The following ITFG1 variants were observed in gnomAD, a reference collection of about 807,000 sequenced individuals.
The protein encoded by ITFG1 is integrin alpha FG-GAP repeat containing 1.
A neutral mutation model predicts 81.8 loss-of-function variants in ITFG1; 34 were observed. That is an observed-to-expected ratio of 0.42 (90% CI 0.32 to 0.55). The LOEUF is 0.55. Among genes scored for constraint, ITFG1 ranks in the 20% least tolerant of loss-of-function variants. The probability of loss-of-function intolerance (pLI) is 0.17; values close to 1 mark genes in which losing one functional copy is unlikely to be tolerated. For missense variants in ITFG1, 672 were observed against 755.4 expected (o/e 0.89, Z 1.29); for synonymous variants, 285 against 270.6 (o/e 1.05, Z -0.52).
intron 6 of ITFG1, among the ~76,000 whole-genome samples, chr16:47,391,041 T>G (rs570182345): frequency 8.8e-4 from 134 of 152,094 alleles, no homozygotes; most frequent in African/African-American, 3.0e-3. Flanking sequence ...GTAGAGAATC[T>G]TAGTAGCTGG....
chr16:47,275,516 T>C (rs1966388599), intron 10 of ITFG1, among the ~76,000 whole-genome samples: 1 of 152,108 alleles, frequency 6.6e-6, no homozygotes, highest in Non-Finnish European at 1.5e-5. Flanking sequence ...CCACACAGAT[T>C]TAACGTTCTG....
intron 8 of ITFG1, among the ~76,000 whole-genome samples, chr16:47,339,045 ACATG>A (rs1967747082): frequency 6.6e-6 from 1 of 152,232 alleles, no homozygotes; most frequent in Non-Finnish European, 1.5e-5. Flanking sequence ...ATAAGTGAGA[ACATG>A]CCAAGTTTGT....
intron 5 of ITFG1, among the ~76,000 whole-genome samples, chr16:47,436,153 T>C (rs1969163698): frequency 6.6e-6 from 1 of 152,156 alleles, no homozygotes; most frequent in African/African-American, 2.4e-5. Context: ...ATGTGGATTC[T>C]TTTTAGTGAT....
intron 8 of ITFG1, among the ~76,000 whole-genome samples, chr16:47,341,036 G>A (rs535438436): frequency 6.6e-6 from 1 of 152,072 alleles, no homozygotes; most frequent in South Asian, 2.1e-4. Context: ...AATAGCAGAA[G>A]AGAAACAAGA....
At chr16:47,459,213 G>T in intron 1 of ITFG1, 38 bp from the exon 2 acceptor site, 1 of 1,332,800 alleles carries the variant, frequency 7.5e-7, no homozygotes, top group Non-Finnish European at 1.1e-6. Flanking sequence ...AAAAATGTTT[G>T]TTGATAAGAT....
At chr16:47,317,267 A>G (rs1967374468) in intron 8 of ITFG1, among the ~76,000 whole-genome samples, 4 of 152,222 alleles carry the variant, frequency 2.6e-5, no homozygotes, top group Admixed American at 2.0e-4. Context: ...TGATTTAGAG[A>G]AAATTTTTAA....
At chr16:47,440,657 T>C (rs986802620) in intron 5 of ITFG1, among the ~76,000 whole-genome samples, 2 of 151,662 alleles carry the variant, frequency 1.3e-5, no homozygotes, top group Non-Finnish European at 2.9e-5. Flanking sequence ...AGACACAACA[T>C]ACCAGAATCT....
chr16:47,307,018 C>T (rs187177900), intron 10 of ITFG1, among the ~76,000 whole-genome samples: 1,613 of 125,954 alleles, frequency 0.013, 18 homozygotes, highest in Non-Finnish European at 0.014. Context: ...GGCGTGAACC[C>T]GGGAGGCAGA....
At chr16:47,208,140 T>A (rs1029730843) in intron 14 of ITFG1, among the ~76,000 whole-genome samples, 2 of 152,182 alleles carry the variant, frequency 1.3e-5, no homozygotes, top group South Asian at 4.1e-4. Context: ...TTTATAAATA[T>A]GAGGTCATAT....
intron 10 of ITFG1, among the ~76,000 whole-genome samples, chr16:47,265,561 G>GT (rs2151544059): frequency 6.6e-6 from 1 of 152,186 alleles, no homozygotes; most frequent in South Asian, 2.1e-4. Context: ...GAAACTATAC[G>GT]TGAAGTGCTA....
At chr16:47,290,473 T>G (rs1044970073) in intron 10 of ITFG1, among the ~76,000 whole-genome samples, 2 of 152,184 alleles carry the variant, frequency 1.3e-5, no homozygotes, top group South Asian at 2.1e-4. Context: ...ATATTTGCTT[T>G]ATATATCGCA....
chr16:47,184,747 C>G (rs890655508), intron 14 of ITFG1, among the ~76,000 whole-genome samples: 1 of 151,924 alleles, frequency 6.6e-6, no homozygotes, highest in African/African-American at 2.4e-5. Flanking sequence ...CAGCTAACAT[C>G]ATAATGACAG....
intron 12 of ITFG1, among the ~76,000 whole-genome samples, chr16:47,238,640 AGTGATACCT>A (rs1965900909): frequency 6.6e-6 from 1 of 152,180 alleles, no homozygotes; most frequent in African/African-American, 2.4e-5. Context: ...CTTTTGGTGA[AGTGATACCT>A]TTGATAAGAA....
At position 47,322,574 on chromosome 16, in the gene ITFG1, C is replaced by A. The variant is rs572933578; in HGVS notation, c.803-8751G>T. 1.0e-3 allele frequency among the ~76,000 whole-genome samples: 158 copies of A among 152,254 alleles called. 2 individuals carry two copies. Among genetic ancestry groups the A allele is most frequent in the Non-Finnish European group, 1.0e-3 (68 of 68,016 alleles). ...GCATGGTGGCAGGAACCTGCAATCC[C>A]AGCTATTTGGGAGGCTGAGGCAGGA... On this transcript the variant is annotated intron_variant, in intron 8 of 17. Coordinates refer to ENST00000320640, the MANE Select transcript of ITFG1 (RefSeq NM_030790.5).
At chr16:47,301,346 C>G (rs1444548669) in intron 10 of ITFG1, among the ~76,000 whole-genome samples, 1 of 151,846 alleles carries the variant, frequency 6.6e-6, no homozygotes, top group Non-Finnish European at 1.5e-5. Context: ...TTACAGTAAA[C>G]ATGAATTCTA....
At chr16:47,163,676 C>A (rs561233789) in intron 14 of ITFG1, among the ~76,000 whole-genome samples, 1 of 152,268 alleles carries the variant, frequency 6.6e-6, no homozygotes, top group South Asian at 2.1e-4. Flanking sequence ...TGTTTAACAT[C>A]ATTAGGAACT....
chr16:47,424,225 A>C (rs1311680110), intron 6 of ITFG1, among the ~76,000 whole-genome samples: 1 of 152,198 alleles, frequency 6.6e-6, no homozygotes, highest in African/African-American at 2.4e-5. Context: ...CGAATCAGCT[A>C]TTGAAGCTTG....
chr16:47,279,846 T>C (rs573222047), intron 10 of ITFG1, among the ~76,000 whole-genome samples: 79 of 152,328 alleles, frequency 5.2e-4, no homozygotes, highest in Admixed American at 2.2e-3. Context: ...ATATGTTTCA[T>C]TTATACTTAA....
At chr16:47,225,667 G>C (rs962394779) in intron 13 of ITFG1, among the ~76,000 whole-genome samples, 8 of 152,154 alleles carry the variant, frequency 5.3e-5, no homozygotes, top group Admixed American at 5.2e-4. Context: ...AAAAGAAAAA[G>C]ACTGTCAGCC....
Sources: allele counts gnomAD v4.1 joint callset (sites outside exome capture counted in the v4.1 genomes callset), GRCh38; gene constraint gnomAD v4.1.1; transcripts MANE v1.5; gene names NCBI Gene and HGNC (gene_info 2026-07-23, HGNC 2026-07-21).